Variants in COL28A1 observed in about 807,000 individuals in gnomAD.
COL28A1 encodes the protein collagen type XXVIII alpha 1 chain.
Under a neutral mutation model 150.2 loss-of-function variants are expected in COL28A1, and 161 were observed. The observed-to-expected ratio is 1.07, with a 90% CI of 0.94 to 1.22. The LOEUF (loss-of-function observed/expected upper bound fraction) is 1.22. Ranked by LOEUF, COL28A1 falls within the 50% of genes most tolerant of loss-of-function variation. COL28A1 has a pLI of 0.00. For missense variants in COL28A1, 1,617 were observed against 1,388.3 expected (o/e 1.16, Z -2.62); for synonymous variants, 552 against 469.7 (o/e 1.18, Z -2.26).
intron 15 of COL28A1, among the ~76,000 whole-genome samples, chr7:7,462,454 G>A (rs1787704909): frequency 6.6e-6 from 1 of 152,190 alleles, no homozygotes; most frequent in Non-Finnish European, 1.5e-5. Context: ...GAAAGGTGAA[G>A]CCCAATGTAA....
intron 15 of COL28A1, among the ~76,000 whole-genome samples, chr7:7,471,894 C>CA (rs1423461027): frequency 1.3e-5 from 2 of 151,764 alleles, no homozygotes; most frequent in Non-Finnish European, 2.9e-5. Context: ...GACCCTGCCT[C>CA]AAAAAAACAA....
intron 18 of COL28A1, among the ~76,000 whole-genome samples, chr7:7,451,753 T>C (rs1464370477): frequency 6.6e-6 from 1 of 152,188 alleles, no homozygotes; most frequent in South Asian, 2.1e-4. Context: ...GTGTAGCACA[T>C]GGAAACCATG....
In COL28A1 at chr7:7,373,526, CTT is replaced by C; in HGVS notation, c.2378_2379del (p.Lys793ArgfsTer25). The C allele has an allele frequency of 1.2e-6, 2 of 1,610,734 alleles. No homozygotes were observed. The highest frequency in any genetic ancestry group is 1.3e-5 in the African/African-American group (1 of 74,874). ...TEICGCGPKCKETPLELVFVI... is the reference protein window; with the variant it reads ...TEICGCGPKCXETPLELVFVI... ...ACAAACACCAGCTCTAGTGGAGTCT[CTT>C]TGCATTTGGGCCCACAACCTAAAAG... On this transcript the variant is annotated frameshift_variant, in exon 32 of 35. Transcript: ENST00000399429. LOFTEE classifies it high-confidence loss of function. This position sits in a 1 kb window ranked among gnomAD's most constrained non-coding sequence, Gnocchi z 4.1.
At chr7:7,516,506 G>A (rs1381063639) in intron 7 of COL28A1, among the ~76,000 whole-genome samples, 2 of 152,090 alleles carry the variant, frequency 1.3e-5, no homozygotes, top group Non-Finnish European at 2.9e-5. Flanking sequence ...CACTGCCCAT[G>A]GCCCTTTAAG....
chr7:7,400,975 G>GGTGTGTGTGTGT (rs60064708), intron 27 of COL28A1, among the ~76,000 whole-genome samples: 2,215 of 119,046 alleles, frequency 0.019, 55 homozygotes, highest in East Asian at 0.026. Flanking sequence ...TGGGTATTTG[G>GGTGTGTGTGTGT]GTGTGTGTGT....
At chr7:7,498,295 C>T (rs1780328570) in intron 11 of COL28A1, among the ~76,000 whole-genome samples, 1 of 152,148 alleles carries the variant, frequency 6.6e-6, no homozygotes, top group African/African-American at 2.4e-5. Context: ...AATCGCAGCT[C>T]TAGAAGACAC....
At chr7:7,401,426 G>C (rs1783200806) in intron 27 of COL28A1, among the ~76,000 whole-genome samples, 1 of 151,920 alleles carries the variant, frequency 6.6e-6, no homozygotes, top group African/African-American at 2.4e-5. Flanking sequence ...CTACTCGGCA[G>C]GTCCATTTAA....
At chr7:7,393,052 G>C (rs147962424) in intron 27 of COL28A1, among the ~76,000 whole-genome samples, 453 of 152,194 alleles carry the variant, frequency 3.0e-3, no homozygotes, top group African/African-American at 9.5e-3. Flanking sequence ...GAGGAGAAGA[G>C]GCGTTCTGGC....
intron 3 of COL28A1, among the ~76,000 whole-genome samples, chr7:7,528,673 A>T (rs2115243262): frequency 6.6e-6 from 1 of 152,366 alleles, no homozygotes; most frequent in East Asian, 1.9e-4. Flanking sequence ...GTTTGTATAA[A>T]ATTCTAGAAA....
At chr7:7,418,063 T>C (rs1335992869) in intron 26 of COL28A1, 136 bp from the exon 27 acceptor site, 1 of 615,376 alleles carries the variant, frequency 1.6e-6, no homozygotes, top group Non-Finnish European at 2.8e-6. Flanking sequence ...AGCTACTTCC[T>C]ATTTTACTTA....
chr7:7,387,492 A>G (rs1252572116), intron 27 of COL28A1, among the ~76,000 whole-genome samples: 1 of 152,148 alleles, frequency 6.6e-6, no homozygotes, highest in Non-Finnish European at 1.5e-5. Context: ...TATATAAGAG[A>G]ATGTGCTTGT....
At chr7:7,350,701 G>A in the COL28A1 span, among the ~76,000 whole-genome samples, 1 of 127,782 alleles carries the variant, frequency 7.8e-6, no homozygotes, top group African/African-American at 2.9e-5. Flanking sequence ...AGTCTCAGCA[G>A]TGATTTATTC....
intron 27 of COL28A1, among the ~76,000 whole-genome samples, chr7:7,405,495 G>A (rs1783444660): frequency 6.6e-6 from 1 of 152,114 alleles, no homozygotes; most frequent in Non-Finnish European, 1.5e-5. Context: ...TATTCTAATG[G>A]ATTAAAAATC....
chr7:7,453,502 G>T lies in COL28A1; in HGVS notation c.1378C>A (p.Gln460Lys). 9.1e-7 allele frequency: 1 copy of T among 1,100,228 alleles called. No homozygotes were observed. Among genetic ancestry groups the T allele is most frequent in the Non-Finnish European group, 1.4e-6 (1 of 720,220 alleles). 68.2% of individuals were successfully genotyped at this position (1,100,228 alleles called of 1,614,324 possible). ...GIGSQGEQGI[Q>K]GPIGPPGPQG... is the part of the protein sequence containing the mutation. Reference sequence around the variant, plus strand: ...GGACCAGGTGGACCAATAGGACCTTGGATTCCCTTTAAAATAAAATTTTAT... The same window carrying T: ...GGACCAGGTGGACCAATAGGACCTTTGATTCCCTTTAAAATAAAATTTTAT... Residue 460 changes from glutamine (Q) to lysine (K), a missense_variant, in exon 17 of 35, where the codon CAA becomes AAA. Coordinates refer to ENST00000399429, the MANE Select transcript of COL28A1 (RefSeq NM_001037763.3).
At chr7:7,414,484 A>T (rs1783958639) in intron 27 of COL28A1, among the ~76,000 whole-genome samples, 1 of 152,206 alleles carries the variant, frequency 6.6e-6, no homozygotes, top group South Asian at 2.1e-4. Context: ...CCAGCAGAGG[A>T]ATGGCAGGAG....
chr7:7,530,772 T>A (rs1375579846), intron 3 of COL28A1, among the ~76,000 whole-genome samples: 1 of 152,172 alleles, frequency 6.6e-6, no homozygotes, highest in South Asian at 2.1e-4. Context: ...AGGTTGCAGA[T>A]GATTTTAAAT....
At chr7:7,475,225 T>A (rs1788766808) in intron 14 of COL28A1, among the ~76,000 whole-genome samples, 1 of 152,184 alleles carries the variant, frequency 6.6e-6, no homozygotes, top group South Asian at 2.1e-4. Context: ...GTCCTTAATA[T>A]AACGTATATT....
chr7:7,343,863 T>C, the COL28A1 span, among the ~76,000 whole-genome samples: 1 of 151,892 alleles, frequency 6.6e-6, no homozygotes, highest in Non-Finnish European at 1.5e-5. Flanking sequence ...CAAAAATTAG[T>C]TGGACATGGT....
At position 7,440,894 on chromosome 7, in the gene COL28A1, G is replaced by T. The variant is rs139952578; in HGVS notation, c.1651-33C>A. 1.2e-5 allele frequency: 13 copies of T among 1,078,498 alleles called. No homozygotes were observed. The East Asian group carries it at 1.4e-4, about 12-fold the overall frequency. The allele number at this position is 1,078,498 out of a possible 1,614,324, so 66.8% of individuals were successfully genotyped here. ...AATAATTATGAAAATATAGATTTTCGTATGGTATTAGCAACCTCCCCTAAT... is the reference window on the plus strand; with the variant it reads ...AATAATTATGAAAATATAGATTTTCTTATGGTATTAGCAACCTCCCCTAAT... On this transcript the variant is annotated intron_variant, in intron 20 of 34. Transcript: ENST00000399429.
Sources: gnomAD v4.1 joint callset for allele counts (sites outside exome capture counted in the v4.1 genomes callset) on GRCh38, gnomAD v4.1.1 for gene constraint, Gnocchi (gnomAD v3.1) non-coding constraint, MANE v1.5 for transcripts, NCBI Gene and HGNC (gene_info 2026-07-23, HGNC 2026-07-21) for gene names.